The following ADCY3 variants were observed in gnomAD, a reference collection of about 807,000 sequenced individuals.
The protein encoded by ADCY3 is adenylate cyclase 3, also known as adenylate cyclase type 3.
Under a neutral mutation model 119.4 loss-of-function variants are expected in ADCY3, and 70 were observed. The observed-to-expected ratio is 0.59, with a 90% CI of 0.48 to 0.72. ADCY3 has a LOEUF of 0.72. Ranked by LOEUF, ADCY3 falls within the 30% of genes least tolerant of loss-of-function variation. The pLI, the probability that ADCY3 is intolerant of heterozygous loss-of-function variation, is 0.00. For synonymous variants in ADCY3, 672 were observed against 621.4 expected, an observed-to-expected ratio of 1.08 and a Z score of -1.21; for missense variants, 1,238 against 1,541.6, an observed-to-expected ratio of 0.80 and a Z score of 3.30.
At chr2:24,830,109 C>T (rs559929904) in intron 13 of ADCY3, among the ~76,000 whole-genome samples, 14 of 144,270 alleles carry the variant, frequency 9.7e-5, no homozygotes, top group East Asian at 4.1e-4. Flanking sequence ...GGCTCAATCT[C>T]GGCTCACTGC....
At chr2:24,894,065 A>G (rs1245328409) in intron 2 of ADCY3, among the ~76,000 whole-genome samples, 1 of 151,942 alleles carries the variant, frequency 6.6e-6, no homozygotes, top group African/African-American at 2.4e-5. Flanking sequence ...TTACCATTCT[A>G]TTTTATCTCC....
chr2:24,918,345 CCTG>C lies in ADCY3; in HGVS notation c.640_642del (p.Gln214del), dbSNP rs777018203. The C allele has an allele frequency of 1.3e-5, 21 of 1,594,134 alleles. No individual in the cohort carries two copies. Among genetic ancestry groups the C allele is most frequent in the South Asian group, 3.4e-5 (3 of 88,516 alleles). ...AGCAGCTGCATCCCCTTGAGCTCCT[CCTG>C]CTGCTGCTGGGCCACGGTGACCCCC... On this transcript the variant is annotated inframe_deletion, in exon 2 of 22. Transcript: ENST00000679454. The surrounding 1 kb of genome is among the most constrained non-coding windows in gnomAD (Gnocchi z 5.4).
rs183438333 is a variant in ADCY3, at chr2:24,839,809, T to C, written c.1355+64A>G. 670 of 1,609,118 alleles carry C rather than the reference T, an allele frequency of 4.2e-4. 2 individuals carry two copies. The African/African-American group carries it at 7.3e-3, about 18-fold the overall frequency. ...CTGTCCCTCATCAGGGTCACAGCCC[T>C]GGGGGATGGAGGGGACGGTCCCCTC... On this transcript the variant is annotated intron_variant, in intron 7 of 21. Transcript: ENST00000679454.
At chr2:24,905,136 A>AT (rs775630835) in intron 2 of ADCY3, among the ~76,000 whole-genome samples, 11,336 of 139,972 alleles carry the variant, frequency 0.081, 947 homozygotes, top group African/African-American at 0.21. Flanking sequence ...GTGTTTTTGC[A>AT]TTTTTTTTTT....
chr2:24,880,938 C>G (rs1426330784), intron 2 of ADCY3, among the ~76,000 whole-genome samples: 1 of 152,032 alleles, frequency 6.6e-6, no homozygotes, highest in Non-Finnish European at 1.5e-5. Flanking sequence ...TCGCTTGAAC[C>G]CGGGAGGCGG....
At chr2:24,910,684 CAG>C (rs1663498846) in intron 2 of ADCY3, among the ~76,000 whole-genome samples, 1 of 136,232 alleles carries the variant, frequency 7.3e-6, no homozygotes, top group African/African-American at 2.8e-5. Context: ...TTTTGTGAGA[CAG>C]AGTCTCCCTC....
rs542711806 is a variant in ADCY3 at position 24,898,388 on chromosome 2, C to A, written c.675+19925G>T. 9.2e-5 allele frequency among the ~76,000 whole-genome samples: 14 copies of A among 152,138 alleles called. No individual in the cohort carries two copies. Among genetic ancestry groups the A allele is most frequent in the Non-Finnish European group, 2.9e-5 (2 of 68,002 alleles). ...ACTGTCTGCGGGATGGGAGTCGGGA[C>A]ACTGACTGTGTGGGAATGCACCTAT... On this transcript the variant is annotated intron_variant, in intron 2 of 21. Transcript: ENST00000679454. The surrounding 1 kb of genome is among the most constrained non-coding windows in gnomAD (Gnocchi z 4.3).
At chr2:24,888,669 T>C (rs1036852143) in intron 2 of ADCY3, among the ~76,000 whole-genome samples, 1 of 152,210 alleles carries the variant, frequency 6.6e-6, no homozygotes, top group Non-Finnish European at 1.5e-5. Flanking sequence ...CACATGGCAA[T>C]TAGTATTTCT....
At chr2:24,885,035 G>A (rs1676868795) in intron 2 of ADCY3, among the ~76,000 whole-genome samples, 1 of 152,220 alleles carries the variant, frequency 6.6e-6, no homozygotes, top group Non-Finnish European at 1.5e-5. Flanking sequence ...GACCATGGCA[G>A]GTCATGGACC....
chr2:24,821,019 T>C, intron 20 of ADCY3, 171 bp from the exon 21 acceptor site: 1 of 943,706 alleles, frequency 1.1e-6, no homozygotes, highest in Non-Finnish European at 1.5e-6. Context: ...CTCCTGTTTA[T>C]CCGTGTGCTT....
In ADCY3 at chr2:24,919,073, T is replaced by C. The variant is rs1431692320; in HGVS notation, c.-86A>G. ...GACTGGGCCTCCTCTCAGGGCTCTC[T>C]GAGACCGGGGGAGGGCTGAGGGCCT... is the stretch of plus-strand genomic sequence containing the variant. On this transcript the variant is annotated 5_prime_UTR_variant, in exon 2 of 22. Coordinates refer to ENST00000679454, the MANE Select transcript of ADCY3 (RefSeq NM_004036.5). The surrounding 1 kb of genome is among the most constrained non-coding windows in gnomAD (Gnocchi z 5.5). The C allele has an allele frequency of 3.8e-5, 53 of 1,380,902 alleles. No individual in the cohort carries two copies. The highest frequency in any genetic ancestry group is 4.7e-5 in the Non-Finnish European group (49 of 1,042,312). 85.5% of individuals were successfully genotyped at this position (1,380,902 alleles called of 1,614,324 possible).
Position 24,819,225 on chromosome 2 carries a change from A to C in ADCY3, c.*707T>G, listed in dbSNP as rs1474212713. 6.6e-6 allele frequency: 1 copy of C among 152,656 alleles called. No individual in the cohort carries two copies. Among genetic ancestry groups the C allele is most frequent in the Admixed American group, 6.5e-5 (1 of 15,286 alleles). 9.5% of individuals were successfully genotyped at this position (152,656 alleles called of 1,614,324 possible). On this transcript the variant is annotated 3_prime_UTR_variant, in exon 22 of 22. Transcript: ENST00000679454. ...GTCTTGTTCTTTATCAATACCTGTA[A>C]ATTCTCTTAAAGCAGTAGCAAAGGC...
chr2:24,850,735 T>A (rs1338895937), intron 3 of ADCY3, among the ~76,000 whole-genome samples: 2 of 152,210 alleles, frequency 1.3e-5, no homozygotes, highest in African/African-American at 4.8e-5. Flanking sequence ...GAAAAAACTG[T>A]AAGTCGCCCA....
At chr2:24,908,638 C>A (rs1251671414) in intron 2 of ADCY3, among the ~76,000 whole-genome samples, 1 of 152,158 alleles carries the variant, frequency 6.6e-6, no homozygotes, top group Non-Finnish European at 1.5e-5. Context: ...CTCCCCCAAC[C>A]AGGTAACACA....
At position 24,918,275 on chromosome 2, in the gene ADCY3, G is replaced by C. The variant is rs750729595; in HGVS notation, c.675+38C>G. 5.7e-5 allele frequency: 86 copies of C among 1,520,042 alleles called. No individual in the cohort carries two copies. Among genetic ancestry groups the C allele is most frequent in the Non-Finnish European group, 6.7e-5 (76 of 1,135,892 alleles). 94.2% of individuals were successfully genotyped at this position (1,520,042 alleles called of 1,614,324 possible). On this transcript the variant is annotated intron_variant, in intron 2 of 21. Coordinates refer to ENST00000679454, the MANE Select transcript of ADCY3 (RefSeq NM_004036.5). This position sits in a 1 kb window ranked among gnomAD's most constrained non-coding sequence, Gnocchi z 5.4. ...AGGTCCCAAGTTGGTGAGAGCTGCA[G>C]GAGAGGACGCTGTGGGGGGACAGTG...
In ADCY3 at chr2:24,920,170, G is replaced by A. The variant is rs1335098388; in HGVS notation, c.-685C>T. Among the ~76,000 whole-genome samples the A allele has an allele frequency of 6.9e-6, 1 of 145,962 alleles. No individual in the cohort carries two copies. Among genetic ancestry groups the A allele is most frequent in the African/African-American group, 2.5e-5 (1 of 40,564 alleles). ...GCCCGCGCCGAGCCGAGCCAGCCGAGTCCGGGCTCGGCGTGCTGCACAGCT... is the reference window on the plus strand; with the variant it reads ...GCCCGCGCCGAGCCGAGCCAGCCGAATCCGGGCTCGGCGTGCTGCACAGCT... On this transcript the variant is annotated 5_prime_UTR_variant, in exon 1 of 22. Coordinates refer to ENST00000679454, the MANE Select transcript of ADCY3 (RefSeq NM_004036.5). The surrounding 1 kb of genome is among the most constrained non-coding windows in gnomAD (Gnocchi z 4.5).
At chr2:24,828,513 A>G (rs1387567796) in intron 13 of ADCY3, among the ~76,000 whole-genome samples, 2 of 152,112 alleles carry the variant, frequency 1.3e-5, no homozygotes, top group Admixed American at 6.5e-5. Context: ...GTTCTTCCCC[A>G]TATCACACTG....
At chr2:24,874,215 G>A (rs1675369815) in intron 2 of ADCY3, among the ~76,000 whole-genome samples, 1 of 152,178 alleles carries the variant, frequency 6.6e-6, no homozygotes, top group Non-Finnish European at 1.5e-5. Context: ...CGAATCAGGA[G>A]GTCAGGCGAG....
At chr2:24,911,372 C>A (rs950779471) in intron 2 of ADCY3, among the ~76,000 whole-genome samples, 11 of 151,536 alleles carry the variant, frequency 7.3e-5, no homozygotes, top group Non-Finnish European at 1.3e-4. Flanking sequence ...TCAGCCTGGG[C>A]GCTGTGGTTC....
Sources: allele counts gnomAD v4.1 joint callset (sites outside exome capture counted in the v4.1 genomes callset), GRCh38; gene constraint gnomAD v4.1.1; non-coding constraint Gnocchi (gnomAD v3.1); transcripts MANE v1.5; gene names NCBI Gene and HGNC (gene_info 2026-07-23, HGNC 2026-07-21).